Variants in BBS9 observed in about 807,000 individuals in gnomAD.
BBS9 encodes protein PTHB1.
A neutral mutation model predicts 117.7 loss-of-function variants in BBS9; 89 were observed. That is an observed-to-expected ratio of 0.76 (90% CI 0.64 to 0.90). The LOEUF is 0.90. Ranked by LOEUF, BBS9 falls within the 40% of genes least tolerant of loss-of-function variation. The pLI is 0.00. For missense variants in BBS9, 982 were observed against 1,042.2 expected (o/e 0.94, Z 0.80); for synonymous variants, 379 against 370.9 (o/e 1.02, Z -0.25).
chr7:33,601,995 C>T lies in BBS9; in HGVS notation c.2522-2870C>T, dbSNP rs12669776. ...TTGTGAAGACCTACTTCTTGTTATA[C>T]AACTACTCCCAGTATCAGTGATTTT... is the stretch of plus-strand genomic sequence containing the variant. On this transcript the variant is annotated intron_variant, in intron 21 of 22. Transcript: ENST00000242067. Among the ~76,000 whole-genome samples, 250 of 152,310 alleles carry T rather than the reference C, an allele frequency of 1.6e-3. 9 individuals are homozygous for T. In the East Asian group the frequency reaches 0.047, roughly 28 times the overall value.
intron 21 of BBS9, among the ~76,000 whole-genome samples, chr7:33,597,870 A>C (rs1863112090): frequency 7.3e-6 from 1 of 136,874 alleles, no homozygotes; most frequent in African/African-American, 2.8e-5. Context: ...GTGCATGTAT[A>C]CCAAAAAAAA....
intron 19 of BBS9, among the ~76,000 whole-genome samples, chr7:33,457,044 C>G (rs1189981932): frequency 2.6e-5 from 4 of 152,142 alleles, no homozygotes; most frequent in African/African-American, 4.8e-5. Flanking sequence ...TACTTGGCCC[C>G]TAAGAGGGGG....
At chr7:33,412,861 C>T (rs1035940459) in intron 19 of BBS9, among the ~76,000 whole-genome samples, 3 of 152,182 alleles carry the variant, frequency 2.0e-5, no homozygotes, top group African/African-American at 7.2e-5. Context: ...TTATAAAGTA[C>T]TTCATCTTTT....
At chr7:33,487,545 G>T (rs1843284744) in intron 19 of BBS9, among the ~76,000 whole-genome samples, 1 of 152,192 alleles carries the variant, frequency 6.6e-6, no homozygotes, top group Non-Finnish European at 1.5e-5. Context: ...AAAGTAAAAT[G>T]ATTTGCCTGA....
intron 19 of BBS9, among the ~76,000 whole-genome samples, chr7:33,454,637 G>A (rs751948065): frequency 6.6e-5 from 10 of 152,150 alleles, no homozygotes; most frequent in Non-Finnish European, 1.0e-4. Context: ...GATTCATTTC[G>A]AGACCTGGGG....
At position 33,441,287 on chromosome 7, in the gene BBS9, AAAAAAT is replaced by A. The variant is rs201857885; in HGVS notation, c.2115+53148_2115+53153del. ...GGATGAGCTGTAGATGGCCAAAAAA[AAAAAAT>A]AAAATAAAAGGGTGGGGAGAAAGGT... On this transcript the variant is annotated intron_variant, in intron 19 of 22. Coordinates refer to ENST00000242067, the MANE Select transcript of BBS9 (RefSeq NM_198428.3). 0.018 allele frequency among the ~76,000 whole-genome samples: 2,686 copies of A among 152,110 alleles called. 198 individuals are homozygous for A. The East Asian group carries it at 0.26, about 15-fold the overall frequency.
intron 8 of BBS9, 127 bp from the exon 9 acceptor site, chr7:33,273,700 A>G (rs1800226273): frequency 7.2e-6 from 6 of 837,296 alleles, no homozygotes; most frequent in South Asian, 3.4e-5. Context: ...ATGTTTTATT[A>G]TGTAAAATCT....
At chr7:33,310,896 A>G (rs1227667690) in intron 9 of BBS9, among the ~76,000 whole-genome samples, 1 of 152,200 alleles carries the variant, frequency 6.6e-6, no homozygotes, top group African/African-American at 2.4e-5. Context: ...TTCATGAGCA[A>G]AGCAGTCATG....
At position 33,534,067 on chromosome 7, in the gene BBS9, C is replaced by T. The variant is rs766501633; in HGVS notation, c.2412C>T (p.Asp804=). 9 of 1,614,072 alleles carry T rather than the reference C, an allele frequency of 5.6e-6. No homozygotes were observed. Among genetic ancestry groups the T allele is most frequent in the South Asian group, 1.1e-5 (1 of 91,082 alleles). The part of the protein sequence containing the change: ...NLNSQLNIPK[D]TSQLKKHITL... ...ACAGCCAGCTGAACATACCCAAAGACACAAGCCAACTGAAGAAACATATCA... is the reference window on the plus strand; with the variant it reads ...ACAGCCAGCTGAACATACCCAAAGATACAAGCCAACTGAAGAAACATATCA... The change falls in exon 21 of 23, where the codon GAC becomes GAT. Residue 804 remains aspartate (D), a synonymous_variant. Transcript: ENST00000242067.
Position 33,213,536 on chromosome 7 carries a change from A to C in BBS9, c.442+35945A>C, listed in dbSNP as rs115272402. Among the ~76,000 whole-genome samples, 222 of 152,306 alleles carry C rather than the reference A, an allele frequency of 1.5e-3. 3 individuals are homozygous for C. Among genetic ancestry groups the C allele is most frequent in the African/African-American group, 5.3e-3 (220 of 41,566 alleles). Reference sequence around the variant, plus strand: ...AAGTCTCTTTTACTTTTCCCTCTGCATTTCTCAAACAGAAAGAGTGTTTCA... The same window carrying C: ...AAGTCTCTTTTACTTTTCCCTCTGCCTTTCTCAAACAGAAAGAGTGTTTCA... On this transcript the variant is annotated intron_variant, in intron 5 of 22. Coordinates refer to ENST00000242067, the MANE Select transcript of BBS9 (RefSeq NM_198428.3).
downstream of BBS9, among the ~76,000 whole-genome samples, chr7:33,610,737 T>C (rs906944332): frequency 6.6e-6 from 1 of 152,104 alleles, no homozygotes; most frequent in African/African-American, 2.4e-5. Context: ...CTATAGGTCT[T>C]CTTAAGTTTG....
rs1053195277 is a variant in BBS9, at chr7:33,611,546, TATA to T, written c.2522-23627_2522-23625del. 5.7e-5 allele frequency among the ~76,000 whole-genome samples: 8 copies of T among 140,886 alleles called. No homozygotes were observed. The East Asian group carries it at 6.1e-4, about 11-fold the overall frequency. 92.4% of individuals were successfully genotyped at this position (140,886 alleles called of 152,430 possible). A position where few individuals can be genotyped will look rare whatever the true frequency, so the allele number is the denominator to read the frequency against. On this transcript the variant is annotated intron_variant, in intron 21 of 21. Coordinates refer to the BBS9 transcript ENST00000671952. The stretch of plus-strand genomic sequence containing the variant: ...TTAAAGTATTATATTTATTCCTTTA[TATA>T]ATATTATATATTATATGTAATATAT...
intron 9 of BBS9, among the ~76,000 whole-genome samples, chr7:33,334,730 A>G (rs1443426064): frequency 6.6e-6 from 1 of 152,214 alleles, no homozygotes; most frequent in African/African-American, 2.4e-5. Context: ...TTTGAGGATT[A>G]TCTAGTCTTA....
intron 3 of BBS9, among the ~76,000 whole-genome samples, chr7:33,154,637 T>G (rs1175283629): frequency 6.6e-6 from 1 of 152,090 alleles, no homozygotes; most frequent in Non-Finnish European, 1.5e-5. Flanking sequence ...GGCTAATTTT[T>G]GTATTTTTAG....
intron 20 of BBS9, among the ~76,000 whole-genome samples, chr7:33,508,215 A>T (rs1422207604): frequency 1.3e-5 from 2 of 152,240 alleles, no homozygotes; most frequent in African/African-American, 2.4e-5. Context: ...CTGATGAGAA[A>T]GGAAGGACTG....
In BBS9 at chr7:33,156,171, T is replaced by A. The variant is rs556056160; in HGVS notation, c.328+469T>A. 2.0e-5 allele frequency among the ~76,000 whole-genome samples: 3 copies of A among 152,356 alleles called. No homozygotes were observed. The South Asian group carries it at 6.2e-4, about 32-fold the overall frequency. Reference sequence around the variant, plus strand: ...CTTCACTCAGTCAGGCTTCATCAGGTTTCATTCTCTGACATGGTTCTGTGG... The same window carrying A: ...CTTCACTCAGTCAGGCTTCATCAGGATTCATTCTCTGACATGGTTCTGTGG... On this transcript the variant is annotated intron_variant, in intron 4 of 22. Transcript: ENST00000242067.
chr7:33,623,740 G>A (rs1865517613), intron 21 of BBS9, among the ~76,000 whole-genome samples: 1 of 152,148 alleles, frequency 6.6e-6, no homozygotes, highest in African/African-American at 2.4e-5. Context: ...AGAGACAGAA[G>A]CAAATTATAG....
In BBS9 at chr7:33,130,520, A is replaced by AT. The variant is rs1246708508; in HGVS notation, c.-12+486dup. Among the ~76,000 whole-genome samples the AT allele has an allele frequency of 2.6e-5, 4 of 152,252 alleles. No homozygotes were observed. The East Asian group carries it at 5.8e-4, about 22-fold the overall frequency. On this transcript the variant is annotated intron_variant, in intron 1 of 22. Transcript: ENST00000242067. ...TGACTTCAATTTCCTGGAGAAATGT[A>AT]TTTTTTTGGGTATCTCACTTTTACT...
At chr7:33,241,587 G>A (rs1022658486) in intron 5 of BBS9, among the ~76,000 whole-genome samples, 2 of 151,910 alleles carry the variant, frequency 1.3e-5, no homozygotes, top group Admixed American at 6.6e-5. Context: ...TATTCTTTAT[G>A]TCTCTTAACT....
Sources: allele counts gnomAD v4.1 joint callset (sites outside exome capture counted in the v4.1 genomes callset), GRCh38; gene constraint gnomAD v4.1.1; transcripts MANE v1.5; gene names NCBI Gene and HGNC (gene_info 2026-07-23, HGNC 2026-07-21).